Variants in PCNX1 observed in about 807,000 individuals in gnomAD.
PCNX1 encodes pecanex 1.
PCNX1 carries 78 observed loss-of-function variants against 242.2 expected under a neutral mutation model. That is an observed-to-expected ratio of 0.32 (90% CI 0.27 to 0.39). The LOEUF (loss-of-function observed/expected upper bound fraction) is 0.39, where lower values mean the gene tolerates loss of function less well. Ranked by LOEUF, PCNX1 falls within the 10% of genes least tolerant of loss-of-function variation. PCNX1 has a pLI of 1.00. For missense variants in PCNX1, 2,581 were observed against 2,856.5 expected (o/e 0.90, Z 2.20); for synonymous variants, 1,024 against 1,032.9 (o/e 0.99, Z 0.17).
At chr14:71,035,935 T>G in intron 18 of PCNX1, 130 bp from the exon 19 acceptor site, 2 of 583,898 alleles carry the variant, frequency 3.4e-6, no homozygotes, top group South Asian at 2.5e-5. Flanking sequence ...ACTTCTTTTT[T>G]TTTTTCTTTA....
chr14:71,064,780 C>G (rs2061408556), intron 26 of PCNX1, among the ~76,000 whole-genome samples: 1 of 152,128 alleles, frequency 6.6e-6, no homozygotes, highest in Non-Finnish European at 1.5e-5. Flanking sequence ...CCCCCATCCC[C>G]CGACAGGCCT....
At chr14:71,058,233 G>A (rs1007602852) in intron 26 of PCNX1, among the ~76,000 whole-genome samples, 1 of 152,128 alleles carries the variant, frequency 6.6e-6, no homozygotes, top group African/African-American at 2.4e-5. Context: ...ACAGTGTTGG[G>A]CAGCCACCAC....
At chr14:71,044,962 T>G (rs915958970) in intron 19 of PCNX1, among the ~76,000 whole-genome samples, 171 bp from the exon 20 acceptor site, 3 of 152,246 alleles carry the variant, frequency 2.0e-5, no homozygotes, top group Non-Finnish European at 4.4e-5. Context: ...TCAAGGCTGA[T>G]TAGAACAAAC....
At chr14:70,997,097 T>C (rs927752344) in intron 8 of PCNX1, among the ~76,000 whole-genome samples, 2 of 152,158 alleles carry the variant, frequency 1.3e-5, no homozygotes, top group African/African-American at 4.8e-5. Context: ...TTGTAATTTG[T>C]AGAGGCAAGA....
chr14:70,974,708 T>C (rs374804259), intron 5 of PCNX1, among the ~76,000 whole-genome samples: 1 of 152,228 alleles, frequency 6.6e-6, no homozygotes, highest in East Asian at 1.9e-4. Flanking sequence ...TATTGCCAGA[T>C]TGCTTTAAGA....
In PCNX1 at chr14:71,026,251, T is replaced by C. The variant is rs1275825487; in HGVS notation, c.3318T>C (p.Asn1106=). ...KFKLYGITFT[N]PLVFISARDL... ...AATTATATGGAATAACTTTCACCAA[T>C]CCACTGGTGTTTATATCAGCCAGGG... Residue 1106 remains asparagine, a synonymous_variant, in exon 14 of 36, where the codon AAT becomes AAC. Coordinates refer to ENST00000304743, the MANE Select transcript of PCNX1 (RefSeq NM_014982.3). 6.2e-7 allele frequency: 1 copy of C among 1,609,386 alleles called. No homozygotes were observed. Among genetic ancestry groups the C allele is most frequent in the Non-Finnish European group, 8.5e-7 (1 of 1,177,594 alleles).
At chr14:70,937,345 T>A (rs542928445) in intron 1 of PCNX1, among the ~76,000 whole-genome samples, 2 of 152,268 alleles carry the variant, frequency 1.3e-5, no homozygotes, top group Admixed American at 1.3e-4. Flanking sequence ...TTCAGCTTTC[T>A]ACCTATGGCT....
At chr14:70,989,817 C>T (rs866851907) in intron 7 of PCNX1, among the ~76,000 whole-genome samples, 1 of 152,142 alleles carries the variant, frequency 6.6e-6, no homozygotes, top group East Asian at 1.9e-4. Context: ...GGGGCATGAG[C>T]CACTGCGTTC....
intron 31 of PCNX1, 97 bp from the exon 32 acceptor site, chr14:71,103,298 C>A: frequency 2.3e-6 from 3 of 1,324,106 alleles, no homozygotes; most frequent in Non-Finnish European, 3.2e-6. Context: ...AACTGGTTAT[C>A]ATAATATCTT....
chr14:71,068,587 C>T (rs139802603), intron 26 of PCNX1, among the ~76,000 whole-genome samples: 59 of 85,512 alleles, frequency 6.9e-4, no homozygotes, highest in Admixed American at 1.2e-3. Context: ...TTTGTATGTA[C>T]GTGCGTGTGT....
At chr14:70,953,736 C>T (rs935200051) in intron 2 of PCNX1, among the ~76,000 whole-genome samples, 22 of 147,824 alleles carry the variant, frequency 1.5e-4, no homozygotes, top group African/African-American at 5.5e-4. Flanking sequence ...GTGGCACAGT[C>T]TCAGCTCACT....
chr14:71,079,666 C>T (rs2061803146), intron 28 of PCNX1, among the ~76,000 whole-genome samples: 1 of 152,150 alleles, frequency 6.6e-6, no homozygotes, highest in Non-Finnish European at 1.5e-5. Context: ...TTGTTAGCCA[C>T]ATAAATGTCT....
intron 3 of PCNX1, among the ~76,000 whole-genome samples, chr14:70,966,883 G>C (rs570040248): frequency 2.0e-4 from 30 of 152,268 alleles, no homozygotes; most frequent in African/African-American, 6.5e-4. Context: ...GGTGTTGTAA[G>C]AATGAAACTT....
At chr14:71,000,321 A>G (rs543487079) in intron 8 of PCNX1, among the ~76,000 whole-genome samples, 1 of 152,284 alleles carries the variant, frequency 6.6e-6, no homozygotes, top group South Asian at 2.1e-4. Flanking sequence ...AAATTAAGTC[A>G]TCTACAATCT....
intron 1 of PCNX1, among the ~76,000 whole-genome samples, chr14:70,927,988 TG>T (rs1359331982): frequency 3.3e-5 from 5 of 152,170 alleles, no homozygotes; most frequent in African/African-American, 1.2e-4. Flanking sequence ...ATCTAATTTT[TG>T]TATATATTAA....
At chr14:71,079,000 G>A (rs1353833366) in intron 28 of PCNX1, among the ~76,000 whole-genome samples, 1 of 151,966 alleles carries the variant, frequency 6.6e-6, no homozygotes, top group Admixed American at 6.6e-5. Context: ...GCCTCCCATA[G>A]CCCCCTACAC....
chr14:71,008,711 C>G (rs1448705509), intron 8 of PCNX1, among the ~76,000 whole-genome samples: 11 of 148,126 alleles, frequency 7.4e-5, no homozygotes, highest in Non-Finnish European at 3.0e-5. Context: ...CTCTTTAATT[C>G]CAGCTAATAA....
chr14:71,068,265 A>G (rs1055376985), intron 26 of PCNX1, among the ~76,000 whole-genome samples: 5 of 152,094 alleles, frequency 3.3e-5, no homozygotes, highest in African/African-American at 1.2e-4. Context: ...CAGGAGGTGG[A>G]GGGTGCTGTG....
At chr14:71,021,174 T>G (rs144305697) in intron 12 of PCNX1, among the ~76,000 whole-genome samples, 1 of 152,268 alleles carries the variant, frequency 6.6e-6, no homozygotes, top group East Asian at 1.9e-4. Flanking sequence ...CCTTGTAGTA[T>G]AGTTTGAAGT....
Sources: allele counts gnomAD v4.1 joint callset (sites outside exome capture counted in the v4.1 genomes callset), GRCh38; gene constraint gnomAD v4.1.1; transcripts MANE v1.5; gene names NCBI Gene and HGNC (gene_info 2026-07-23, HGNC 2026-07-21).